Variants in ZFHX3 observed in about 807,000 individuals in gnomAD.
The protein encoded by ZFHX3 is zinc finger homeobox protein 3.
A neutral mutation model predicts 279.1 loss-of-function variants in ZFHX3; 42 were observed. That is an observed-to-expected ratio of 0.15 (90% CI 0.12 to 0.19). The LOEUF is 0.19. ZFHX3 is among the 10% of genes least tolerant of loss of function. The pLI, the probability that ZFHX3 is intolerant of heterozygous loss-of-function variation, is 1.00. For synonymous variants in ZFHX3, 2,293 were observed against 1,957.8 expected (o/e 1.17, Z -4.52); for missense variants, 4,981 against 4,754.0 (o/e 1.05, Z -1.40).
At position 73,460,304 on chromosome 16, in the gene ZFHX3, CT is replaced by C. The variant is rs1309134323; in HGVS notation, c.-1546-4047del. On this transcript the variant is annotated intron_variant, in intron 2 of 17. Transcript: ENST00000641206. ...TGGTCGCCTGTATCAATTGTTTGCT[CT>C]TTTTTATTGCTGAGTAGTATTTCAT... Among the ~76,000 whole-genome samples the C allele has an allele frequency of 5.9e-5, 9 of 152,220 alleles. 1 individual carries two copies. The South Asian group carries it at 1.7e-3, about 28-fold the overall frequency.
chr16:73,631,898 T>TTCTCTCTCTC (rs139812596), intron 2 of ZFHX3, among the ~76,000 whole-genome samples: 2,908 of 125,004 alleles, frequency 0.023, 31 homozygotes, highest in Admixed American at 0.032. Context: ...TAGAGTGGGA[T>TTCTCTCTCTC]TCTCTCTCTC....
At chr16:73,734,965 A>G (rs998645521) in intron 1 of ZFHX3, among the ~76,000 whole-genome samples, 41 of 152,372 alleles carry the variant, frequency 2.7e-4, no homozygotes, top group African/African-American at 9.6e-4. Context: ...ATTTTCAAAA[A>G]TAATTTTTAG....
At chr16:73,654,952 C>T (rs1365585775) in intron 2 of ZFHX3, among the ~76,000 whole-genome samples, 2 of 149,058 alleles carry the variant, frequency 1.3e-5, no homozygotes, top group African/African-American at 4.9e-5. Flanking sequence ...CTTCCGCCTC[C>T]TGGATTCAAG....
rs188460134 is a variant in ZFHX3, at chr16:73,430,502, G to C, written c.-1291+25501C>G. Among the ~76,000 whole-genome samples, 583 of 152,266 alleles carry C rather than the reference G, an allele frequency of 3.8e-3. 3 individuals carry two copies. Among genetic ancestry groups the C allele is most frequent in the South Asian group, 0.016 (79 of 4,816 alleles). On this transcript the variant is annotated intron_variant, in intron 3 of 17. Coordinates refer to the ZFHX3 transcript ENST00000641206. ...CAGCAGGAAACAAAACAGATCAAAA[G>C]AAAATCCCTTTGCACATGGCGCTTC... is the stretch of plus-strand genomic sequence containing the variant.
chr16:73,837,904 A>C (rs568352012), intron 1 of ZFHX3, among the ~76,000 whole-genome samples: 1 of 152,272 alleles, frequency 6.6e-6, no homozygotes, highest in South Asian at 2.1e-4. Flanking sequence ...CCAAAGTGCT[A>C]GGATTACAGG....
In ZFHX3 at chr16:73,294,095, C is replaced by T. The variant is rs145960505; in HGVS notation, c.-1194+24145G>A. 117 of 148,672 alleles carry T rather than the reference C, an allele frequency of 7.9e-4. 1 individual carries two copies. Among genetic ancestry groups the T allele is most frequent in the African/African-American group, 2.7e-3 (109 of 40,258 alleles). The allele number at this position is 148,672 out of a possible 1,614,324, so 9.2% of individuals were successfully genotyped here. A position where few individuals can be genotyped will look rare whatever the true frequency, so the allele number is the denominator to read the frequency against. ...GCTGTAAATTAATACATTTATAGTT[C>T]GATTATGATTTTAGTGACAGAGCTT... On this transcript the variant is annotated intron_variant, in intron 4 of 17. Transcript: ENST00000641206.
intron 2 of ZFHX3, among the ~76,000 whole-genome samples, chr16:73,669,110 G>C (rs1229452439): frequency 6.6e-6 from 1 of 150,536 alleles, no homozygotes; most frequent in Non-Finnish European, 1.5e-5. Context: ...CTGGAGTGCA[G>C]TGGTGCGATC....
At chr16:72,971,781 T>A (rs1173174566) in intron 1 of ZFHX3, among the ~76,000 whole-genome samples, 1 of 151,978 alleles carries the variant, frequency 6.6e-6, no homozygotes, top group Admixed American at 6.6e-5. Flanking sequence ...AGGCAAGAAA[T>A]GGCATCTCAT....
intron 1 of ZFHX3, among the ~76,000 whole-genome samples, chr16:72,996,384 A>G (rs1028019911): frequency 6.6e-6 from 1 of 152,194 alleles, no homozygotes; most frequent in Non-Finnish European, 1.5e-5. Flanking sequence ...ACTAAGCATG[A>G]TTTTCTTATC....
chr16:73,026,698 C>T (rs1024723326), intron 1 of ZFHX3, among the ~76,000 whole-genome samples: 61 of 95,474 alleles, frequency 6.4e-4, no homozygotes, highest in African/African-American at 2.4e-3. Context: ...AAAAAAAACA[C>T]ATAGTAAAGG....
intron 4 of ZFHX3, among the ~76,000 whole-genome samples, chr16:72,867,815 T>C (rs1241461149): frequency 6.6e-6 from 1 of 152,184 alleles, no homozygotes; most frequent in Non-Finnish European, 1.5e-5. Context: ...ATGATGCCTC[T>C]GGTCACTGCA....
At chr16:73,574,346 C>CA (rs1446279393) in intron 2 of ZFHX3, among the ~76,000 whole-genome samples, 4 of 108,978 alleles carry the variant, frequency 3.7e-5, no homozygotes, top group African/African-American at 2.3e-4. Flanking sequence ...ATTTCTTGGG[C>CA]CCCCCCCAGC....
At chr16:72,844,658 G>C (rs1243893394) in intron 4 of ZFHX3, among the ~76,000 whole-genome samples, 1 of 152,056 alleles carries the variant, frequency 6.6e-6, no homozygotes. Flanking sequence ...TGATATCCCC[G>C]TTCTTAGAAA....
chr16:73,039,878 C>T (rs1251774209), intron 1 of ZFHX3, among the ~76,000 whole-genome samples: 7 of 151,636 alleles, frequency 4.6e-5, no homozygotes, highest in Non-Finnish European at 8.8e-5. Context: ...GAGGGGACAT[C>T]CCTTTGCAAA....
chr16:73,221,242 C>T (rs963761424), intron 5 of ZFHX3, among the ~76,000 whole-genome samples: 1 of 151,862 alleles, frequency 6.6e-6, no homozygotes, highest in Non-Finnish European at 1.5e-5. Context: ...GGTATGTGTG[C>T]CCATCGTATA....
intron 2 of ZFHX3, chr16:73,487,513 A>T: frequency 2.6e-6 from 1 of 387,880 alleles, no homozygotes; most frequent in Admixed American, 3.2e-5. Context: ...TGATCTTCCC[A>T]CCTCAGCCTT....
chr16:73,747,227 A>G lies in ZFHX3; in HGVS notation c.-1607-66987T>C, dbSNP rs1457333747. Among the ~76,000 whole-genome samples the G allele has an allele frequency of 2.0e-5, 3 of 152,096 alleles. No individual in the cohort carries two copies. The East Asian group carries it at 5.8e-4, about 29-fold the overall frequency. ...AACACAGGGTCTCTATTAAAAATAT[A>G]ATAAAAATTAGCCAGACATGATGGC... On this transcript the variant is annotated intron_variant, in intron 1 of 17. Transcript: ENST00000641206.
chr16:72,796,308 G>T lies in ZFHX3; in HGVS notation c.6374C>A (p.Pro2125His). Residue 2125 changes from proline (P) to histidine (H), a missense_variant, in exon 9 of 10, where the codon CCT becomes CAT. Transcript: ENST00000268489. ...CTGGTAGAGTTGGGCCAGGTCCGCA[G>T]GCAGAGGCTCCACAGGTCCCAGCTG... is the stretch of plus-strand genomic sequence containing the variant. ...PPQLGPVEPLPADLAQLYQHQ... is the reference protein window; with the variant it reads ...PPQLGPVEPLHADLAQLYQHQ... 1 of 1,614,130 alleles carries T rather than the reference G, an allele frequency of 6.2e-7. No homozygotes were observed. The highest frequency in any genetic ancestry group is 1.6e-4 in the Middle Eastern group (1 of 6,062).
rs144573608 is a variant in ZFHX3, at chr16:72,959,756, G to A, written c.390C>T (p.Ala130=). The part of the protein sequence containing the change: ...GDEESDVENL[A]GEIVYQPDGS... ...CGTCCGGCTGGTAGACGATCTCCCCGGCCAGGTTCTCCACGTCACTCTCCT... is the reference window on the plus strand; with the variant it reads ...CGTCCGGCTGGTAGACGATCTCCCCAGCCAGGTTCTCCACGTCACTCTCCT... Residue 130 remains alanine (A), a synonymous_variant, in exon 2 of 10, where the codon GCC becomes GCT. Transcript: ENST00000268489. 160 of 1,609,854 alleles carry A rather than the reference G, an allele frequency of 9.9e-5. No homozygotes were observed. The highest frequency in any genetic ancestry group is 1.6e-4 in the Middle Eastern group (1 of 6,066).
Sources: gnomAD v4.1 joint callset for allele counts (sites outside exome capture counted in the v4.1 genomes callset) on GRCh38, gnomAD v4.1.1 for gene constraint, MANE v1.5 for transcripts, NCBI Gene and HGNC (gene_info 2026-07-23, HGNC 2026-07-21) for gene names.